DNAJC19: variants seen among roughly 807,000 people sequenced by gnomAD.
DNAJC19 encodes mitochondrial import inner membrane translocase subunit TIM14.
A neutral mutation model predicts 19.8 loss-of-function variants in DNAJC19; 15 were observed. That is an observed-to-expected ratio of 0.76 (90% CI 0.51 to 1.17). The LOEUF is 1.17. DNAJC19 is among the 50% of genes most tolerant of loss of function. The probability of loss-of-function intolerance (pLI) is 0.00; values close to 1 mark genes in which losing one functional copy is unlikely to be tolerated. For missense variants in DNAJC19, 105 were observed against 140.9 expected (o/e 0.75, Z 1.29); for synonymous variants, 38 against 42.1 (o/e 0.90, Z 0.38).
At chr3:180,989,765 A>G, upstream of DNAJC19, 1 of 1,181,076 alleles carries the variant, frequency 8.5e-7, no homozygotes. Context: ...CTAGGCCGGA[A>G]AACTGTCGTA....
chr3:180,988,451 A>C (rs1346523208), intron 1 of DNAJC19, among the ~76,000 whole-genome samples: 2 of 150,508 alleles, frequency 1.3e-5, no homozygotes, highest in Non-Finnish European at 3.0e-5. Context: ...TTGGCCTCCC[A>C]AAGTGCTAAG....
chr3:180,989,379 A>C, intron 1 of DNAJC19: 5 of 1,428,774 alleles, frequency 3.5e-6, no homozygotes, highest in Non-Finnish European at 4.6e-6. Context: ...CGTGCGGACA[A>C]GAAGCTGGAG....
At chr3:180,987,822 T>G in intron 3 of DNAJC19, 2 of 646,194 alleles carry the variant, frequency 3.1e-6, no homozygotes, top group Non-Finnish European at 2.7e-6. Context: ...CAAAACCCCA[T>G]CCAACTCTGT....
intron 4 of DNAJC19, 100 bp downstream of exon 4, chr3:180,986,843 C>T: frequency 1.0e-6 from 1 of 984,024 alleles, no homozygotes; most frequent in Non-Finnish European, 1.6e-6. Flanking sequence ...GACAAAATCC[C>T]CCATGACCCT....
At chr3:180,988,766 G>A (rs1271913350) in intron 1 of DNAJC19, among the ~76,000 whole-genome samples, 5 of 151,888 alleles carry the variant, frequency 3.3e-5, no homozygotes, top group East Asian at 1.9e-4. Context: ...CATTTTGGGA[G>A]GCGAGGCGGG....
At position 180,985,960 on chromosome 3, in the gene DNAJC19, A is replaced by T. The variant is rs1193024848; in HGVS notation, c.246T>A (p.His82Gln). 1.2e-6 allele frequency: 2 copies of T among 1,613,616 alleles called. No homozygotes were observed. Among genetic ancestry groups the T allele is most frequent in the Non-Finnish European group, 1.7e-6 (2 of 1,179,896 alleles). Reference protein sequence around the residue: ...TANKGKIRDAHRRIMLLNHPD... With the variant: ...TANKGKIRDAQRRIMLLNHPD... ...GATGATTTAAAAGCATAATTCGTCGATGAGCATCTCTTATTTTCCCTTTAT... is the reference window on the plus strand; with the variant it reads ...GATGATTTAAAAGCATAATTCGTCGTTGAGCATCTCTTATTTTCCCTTTAT... The change falls in exon 5 of 6, where the codon CAT becomes CAA. Residue 82 changes from histidine (H) to glutamine (Q), a missense_variant. Transcript: ENST00000382564.
At chr3:180,989,236 G>T in intron 1 of DNAJC19, 1 of 1,053,670 alleles carries the variant, frequency 9.5e-7, no homozygotes, top group Non-Finnish European at 1.2e-6. Flanking sequence ...GAAGGACATA[G>T]CAAAGTGGAG....
rs1297237253 is a variant in DNAJC19 at position 180,984,139 on chromosome 3, T to C, written c.*501A>G. 1.1e-5 allele frequency: 5 copies of C among 453,974 alleles called. No individual in the cohort carries two copies. The highest frequency in any genetic ancestry group is 9.4e-5 in the Admixed American group (4 of 42,556). 28.1% of individuals were successfully genotyped at this position (453,974 alleles called of 1,614,324 possible). On this transcript the variant is annotated 3_prime_UTR_variant, in exon 6 of 6. Transcript: ENST00000382564. Reference sequence around the variant, plus strand: ...CCTAGGTCAATTTCTTAGGTCTCAGTTGTGGTTAAATTCACTTTTAAATAC... The same window carrying C: ...CCTAGGTCAATTTCTTAGGTCTCAGCTGTGGTTAAATTCACTTTTAAATAC...
chr3:180,985,347 T>C (rs1204982157), intron 5 of DNAJC19: 1 of 154,644 alleles, frequency 6.5e-6, no homozygotes, highest in African/African-American at 2.4e-5. Flanking sequence ...AAGCCCTCCA[T>C]ATAAAACAAG....
At chr3:180,989,373 C>T in intron 1 of DNAJC19, 1 of 1,427,532 alleles carries the variant, frequency 7.0e-7, no homozygotes, top group Non-Finnish European at 9.1e-7. Flanking sequence ...AGAGCCCGTG[C>T]GGACAAGAAG....
rs771241986 is a variant in DNAJC19 at position 180,984,427 on chromosome 3, GGT to G, written c.*211_*212del. 3.8e-5 allele frequency: 22 copies of G among 579,440 alleles called. No homozygotes were observed. The highest frequency in any genetic ancestry group is 6.3e-5 in the Non-Finnish European group (19 of 302,566). 35.9% of individuals were successfully genotyped at this position (579,440 alleles called of 1,614,324 possible). ...TAATGAACAATATTTCTATTCAGAA[GGT>G]GTGTGCTTGCCCATAATTAATACGC... On this transcript the variant is annotated 3_prime_UTR_variant, in exon 6 of 6. Transcript: ENST00000382564.
At chr3:180,986,053 A>G (rs931734308) in intron 4 of DNAJC19, 57 bp from the exon 5 acceptor site, 1 of 1,415,346 alleles carries the variant, frequency 7.1e-7, no homozygotes, top group Non-Finnish European at 9.9e-7. Context: ...ACATCAAAAA[A>G]CTGTACATAA....
Position 180,988,094 on chromosome 3 carries a change from G to A in DNAJC19, c.58C>T (p.Arg20Cys), listed in dbSNP as rs750384728. 8 of 1,614,052 alleles carry A rather than the reference G, an allele frequency of 5.0e-6. No homozygotes were observed. Among genetic ancestry groups the A allele is most frequent in the African/African-American group, 1.3e-5 (1 of 75,002 alleles). Reference sequence around the variant, plus strand: ...TGCTTCATGGCTTGCAAAACGTAACGGCCTAAAACCAAAAGCAACAGAATA... The same window carrying A: ...TGCTTCATGGCTTGCAAAACGTAACAGCCTAAAACCAAAAGCAACAGAATA... ...LTIAAAGFAG[R>C]YVLQAMKHME... is the part of the protein sequence containing the mutation. Residue 20 changes from arginine to cysteine, a missense_variant and splice_region_variant, in exon 3 of 6, where the codon CGT becomes TGT. Physicochemically the swap from Arg to Cys is radical, Grantham distance 180. Coordinates refer to ENST00000382564, the MANE Select transcript of DNAJC19 (RefSeq NM_145261.4).
In DNAJC19 at chr3:180,984,343, T is replaced by C. The variant is rs1171352928; in HGVS notation, c.*297A>G. The C allele has an allele frequency of 4.2e-6, 2 of 471,464 alleles. No individual in the cohort carries two copies. Among genetic ancestry groups the C allele is most frequent in the Non-Finnish European group, 8.4e-6 (2 of 237,994 alleles). The allele number at this position is 471,464 out of a possible 1,614,324, so 29.2% of individuals were successfully genotyped here. On this transcript the variant is annotated 3_prime_UTR_variant, in exon 6 of 6. Transcript: ENST00000382564. ...GTGGGGGCTCCCTGAGAGCAAGGAC[T>C]GTCATCTTCACTTTGCCTTGAAAAG...
At chr3:180,988,820 G>C (rs540909603) in intron 1 of DNAJC19, among the ~76,000 whole-genome samples, 1 of 150,764 alleles carries the variant, frequency 6.6e-6, no homozygotes, top group African/African-American at 2.4e-5. Context: ...GGCTACCATG[G>C]TGAAACCCCG....
chr3:180,986,845 C>T, intron 4 of DNAJC19, 98 bp downstream of exon 4: 1 of 1,000,020 alleles, frequency 1.0e-6, no homozygotes, highest in Non-Finnish European at 1.6e-6. Context: ...CAAAATCCCC[C>T]ATGACCCTCT....
At position 180,987,027 on chromosome 3, in the gene DNAJC19, A is replaced by G. The variant is rs970505500; in HGVS notation, c.130-5T>C. ...ATAATAGCCACCACTGAAGGCCTGA[A>G]AGAAGAAATGCATTTGTAAAGAAAG... is the stretch of plus-strand genomic sequence containing the variant. On this transcript the variant is annotated splice_region_variant and splice_polypyrimidine_tract_variant and intron_variant, in intron 3 of 5. Transcript: ENST00000382564. 1 of 1,612,862 alleles carries G rather than the reference A, an allele frequency of 6.2e-7. No homozygotes were observed. Among genetic ancestry groups the G allele is most frequent in the African/African-American group, 1.3e-5 (1 of 74,892 alleles).
At chr3:180,987,794 G>T in intron 3 of DNAJC19, 1 of 568,334 alleles carries the variant, frequency 1.8e-6, no homozygotes, top group Non-Finnish European at 3.1e-6. Flanking sequence ...CTTGGGTCTA[G>T]TGGGGTACTA....
rs1049911767 is a variant in DNAJC19, at chr3:180,985,823, T to A, written c.280+103A>T. 9.0e-6 allele frequency: 9 copies of A among 1,002,044 alleles called. No individual in the cohort carries two copies. In the African/African-American group the frequency reaches 1.4e-4, roughly 16 times the overall value. 62.1% of individuals were successfully genotyped at this position (1,002,044 alleles called of 1,614,324 possible). A position where few individuals can be genotyped will look rare whatever the true frequency, so the allele number is the denominator to read the frequency against. On this transcript the variant is annotated intron_variant, in intron 5 of 5. Coordinates refer to ENST00000382564, the MANE Select transcript of DNAJC19 (RefSeq NM_145261.4). The stretch of plus-strand genomic sequence containing the variant: ...AGCCTAGGAGACAGGACTTACAGAT[T>A]TAAGTGTTACCTTTCTAATAGCCAG...
Sources: gnomAD v4.1 joint callset for allele counts (sites outside exome capture counted in the v4.1 genomes callset) on GRCh38, gnomAD v4.1.1 for gene constraint, MANE v1.5 for transcripts, NCBI Gene and HGNC (gene_info 2026-07-23, HGNC 2026-07-21) for gene names.